The following PPP1R12B variants were observed in gnomAD, a reference collection of about 807,000 sequenced individuals.
The protein encoded by PPP1R12B is myosin phosphatase target subunit 2.
Under a neutral mutation model 126.1 loss-of-function variants are expected in PPP1R12B, and 76 were observed. The observed-to-expected ratio is 0.60, with a 90% CI of 0.50 to 0.73. The LOEUF (loss-of-function observed/expected upper bound fraction) is 0.73, where lower values mean the gene tolerates loss of function less well. PPP1R12B is among the 30% of genes least tolerant of loss of function. The pLI is 0.00. For synonymous variants in PPP1R12B, 356 were observed against 434.7 expected, an observed-to-expected ratio of 0.82 and a Z score of 2.25; for missense variants, 1,052 against 1,205.1, an observed-to-expected ratio of 0.87 and a Z score of 1.88.
At chr1:202,373,301 T>G (rs1439325681) in intron 1 of PPP1R12B, among the ~76,000 whole-genome samples, 1 of 152,148 alleles carries the variant, frequency 6.6e-6, no homozygotes, top group South Asian at 2.1e-4. Flanking sequence ...GTTTTTAATT[T>G]TGATGGTGTC....
At chr1:202,533,041 G>A (rs925259784) in intron 18 of PPP1R12B, among the ~76,000 whole-genome samples, 1 of 151,628 alleles carries the variant, frequency 6.6e-6, no homozygotes, top group Non-Finnish European at 1.5e-5. Flanking sequence ...GGCTAATTTT[G>A]TATTTTCAGT....
At chr1:202,408,917 A>T (rs1244279117) in intron 1 of PPP1R12B, among the ~76,000 whole-genome samples, 1 of 147,348 alleles carries the variant, frequency 6.8e-6, no homozygotes. Flanking sequence ...TGCTCACTGG[A>T]ACCTCCACCT....
chr1:202,530,425 G>A (rs994579903), intron 18 of PPP1R12B, among the ~76,000 whole-genome samples: 1 of 152,142 alleles, frequency 6.6e-6, no homozygotes, highest in Non-Finnish European at 1.5e-5. Flanking sequence ...AAGCTATGTT[G>A]TTCACATTAA....
At chr1:202,380,197 AG>A (rs1431041500) in intron 1 of PPP1R12B, among the ~76,000 whole-genome samples, 2 of 152,106 alleles carry the variant, frequency 1.3e-5, no homozygotes, top group Non-Finnish European at 2.9e-5. Flanking sequence ...GGCTTGGCTC[AG>A]GTGTCACCTC....
intron 13 of PPP1R12B, among the ~76,000 whole-genome samples, chr1:202,472,315 TGTTTA>T (rs1267414812): frequency 5.9e-5 from 9 of 152,200 alleles, no homozygotes; most frequent in African/African-American, 2.2e-4. Flanking sequence ...ACATTTTGTG[TGTTTA>T]GTTTCTTGAG....
At chr1:202,528,233 C>T (rs1269303698) in intron 18 of PPP1R12B, among the ~76,000 whole-genome samples, 1 of 152,230 alleles carries the variant, frequency 6.6e-6, no homozygotes, top group Non-Finnish European at 1.5e-5. Context: ...ACACTGTTAT[C>T]ACCACGCAAA....
chr1:202,489,738 GA>G (rs1483832076), intron 14 of PPP1R12B, among the ~76,000 whole-genome samples: 1 of 152,176 alleles, frequency 6.6e-6, no homozygotes, highest in Non-Finnish European at 1.5e-5. Context: ...TTTTTGGGGT[GA>G]TGAAAATTAT....
At chr1:202,355,011 T>TA (rs1394435945) in intron 1 of PPP1R12B, among the ~76,000 whole-genome samples, 1 of 151,962 alleles carries the variant, frequency 6.6e-6, no homozygotes, top group African/African-American at 2.4e-5. Context: ...GTATTTTTAG[T>TA]AGAGACGGGG....
intron 11 of PPP1R12B, 70 bp downstream of exon 11, chr1:202,440,858 C>A: frequency 1.6e-6 from 2 of 1,289,226 alleles, no homozygotes; most frequent in Non-Finnish European, 2.2e-6. Flanking sequence ...ATCTCCTGGG[C>A]ATTACTCTTC....
intron 1 of PPP1R12B, among the ~76,000 whole-genome samples, chr1:202,359,672 T>TGGCGGTGGGGGGTGGGGGTGGGG (rs1657795342): frequency 5.8e-5 from 1 of 17,310 alleles, no homozygotes; most frequent in South Asian, 1.8e-3. Flanking sequence ...TCCCAGCTAC[T>TGGCGGTGGGGGGTGGGGGTGGGG]GGCGGTGGGG....
At chr1:202,391,185 T>G (rs1158061776) in intron 1 of PPP1R12B, among the ~76,000 whole-genome samples, 1 of 151,988 alleles carries the variant, frequency 6.6e-6, no homozygotes, top group Non-Finnish European at 1.5e-5. Flanking sequence ...AACTTAATAA[T>G]AAGAAAAAAT....
Position 202,585,133 on chromosome 1 carries a change from C to T in PPP1R12B, c.*4573C>T, listed in dbSNP as rs559825588. 1.7e-3 allele frequency: 264 copies of T among 152,518 alleles called. 7 individuals carry two copies. The South Asian group carries it at 0.053, about 30-fold the overall frequency. 9.4% of individuals were successfully genotyped at this position (152,518 alleles called of 1,614,324 possible). The stretch of plus-strand genomic sequence containing the variant: ...CACCTCAGCTCCCGAGCAGCTAGGA[C>T]TGCAGGTGTGCACCACCATGCCCAG... On this transcript the variant is annotated 3_prime_UTR_variant, in exon 24 of 24. Transcript: ENST00000608999.
intron 1 of PPP1R12B, among the ~76,000 whole-genome samples, chr1:202,377,847 T>G (rs554745744): frequency 1.9e-4 from 27 of 140,670 alleles, no homozygotes; most frequent in Non-Finnish European, 1.4e-4. Context: ...TTTTTTTTTT[T>G]TTTTTTTTTT....
intron 18 of PPP1R12B, among the ~76,000 whole-genome samples, chr1:202,555,116 C>T (rs1306110869): frequency 1.3e-5 from 2 of 151,786 alleles, no homozygotes; most frequent in African/African-American, 4.8e-5. Context: ...ATGTCAACCT[C>T]CTCAGTGAAG....
intron 1 of PPP1R12B, among the ~76,000 whole-genome samples, chr1:202,360,394 G>A (rs1029350687): frequency 6.6e-6 from 1 of 152,014 alleles, no homozygotes; most frequent in African/African-American, 2.4e-5. Flanking sequence ...CTTCTAATTG[G>A]GTTACCAGTG....
chr1:202,381,009 C>T (rs1435404898), intron 1 of PPP1R12B, among the ~76,000 whole-genome samples: 2 of 152,178 alleles, frequency 1.3e-5, no homozygotes, highest in African/African-American at 4.8e-5. Context: ...CATAGATGCT[C>T]TCTCTTATTG....
intron 1 of PPP1R12B, among the ~76,000 whole-genome samples, chr1:202,364,377 A>G (rs2148420238): frequency 6.6e-6 from 1 of 152,134 alleles, no homozygotes; most frequent in Admixed American, 6.6e-5. Context: ...TAAGGATTCT[A>G]TTAAGAATTG....
chr1:202,373,009 G>A (rs535196457), intron 1 of PPP1R12B, among the ~76,000 whole-genome samples: 6 of 151,766 alleles, frequency 4.0e-5, no homozygotes, highest in Admixed American at 6.6e-5. Context: ...ATCTTGGCTC[G>A]CAGCAACCTT....
At chr1:202,451,895 C>T (rs1457836385) in intron 13 of PPP1R12B, among the ~76,000 whole-genome samples, 1 of 151,742 alleles carries the variant, frequency 6.6e-6, no homozygotes, top group Non-Finnish European at 1.5e-5. Context: ...TGGAGACGCT[C>T]CTCACTTCCC....
Sources: gnomAD v4.1 joint callset for allele counts (sites outside exome capture counted in the v4.1 genomes callset) on GRCh38, gnomAD v4.1.1 for gene constraint, MANE v1.5 for transcripts, NCBI Gene and HGNC (gene_info 2026-07-23, HGNC 2026-07-21) for gene names.